Variants in DSTYK observed in about 807,000 individuals in gnomAD.
The protein encoded by DSTYK is dual serine/threonine and tyrosine protein kinase.
DSTYK carries 34 observed loss-of-function variants against 98.7 expected under a neutral mutation model. That is an observed-to-expected ratio of 0.34 (90% CI 0.26 to 0.46). The LOEUF (loss-of-function observed/expected upper bound fraction) is 0.46. Ranked by LOEUF, DSTYK falls within the 20% of genes least tolerant of loss-of-function variation. The pLI, the probability that DSTYK is intolerant of heterozygous loss-of-function variation, is 1.00. For missense variants in DSTYK, 962 were observed against 1,181.7 expected, an observed-to-expected ratio of 0.81 and a Z score of 2.73; for synonymous variants, 462 against 457.3, an observed-to-expected ratio of 1.01 and a Z score of -0.13.
intron 3 of DSTYK, among the ~76,000 whole-genome samples, chr1:205,168,844 C>T (rs150963260): frequency 6.6e-6 from 1 of 152,280 alleles, no homozygotes; most frequent in East Asian, 1.9e-4. Context: ...CTAACATTCT[C>T]CAAGCAGCTC....
chr1:205,209,893 C>CTATTATTATTATTAT lies in DSTYK; in HGVS notation c.265+1363_265+1377dup, dbSNP rs372431377. Among the ~76,000 whole-genome samples the CTATTATTATTATTAT allele has an allele frequency of 5.7e-3, 861 of 150,156 alleles. 13 individuals carry two copies. The highest frequency in any genetic ancestry group is 0.019 in the African/African-American group (784 of 40,800). On this transcript the variant is annotated intron_variant, in intron 1 of 12. Coordinates refer to ENST00000367162, the MANE Select transcript of DSTYK (RefSeq NM_015375.3). ...CCTTCCCCAGTGTCTTTTATTATTA[C>CTATTATTATTATTAT]TATTATTATTATTATTATTATTATT...
At chr1:205,155,664 AT>A (rs540089331) in intron 10 of DSTYK, among the ~76,000 whole-genome samples, 2 of 150,968 alleles carry the variant, frequency 1.3e-5, no homozygotes, top group South Asian at 2.1e-4. Context: ...TCTCAAAAAA[AT>A]TTTTAAAAAA....
At chr1:205,172,992 A>C (rs1237954806) in intron 2 of DSTYK, 1 of 152,240 alleles carries the variant, frequency 6.6e-6, no homozygotes, top group African/African-American at 2.4e-5. Flanking sequence ...CATATTCAAA[A>C]AGTTGGTAAG....
Position 205,169,364 on chromosome 1 carries a change from T to C in DSTYK, c.1123A>G (p.Asn375Asp). The change falls in exon 3 of 13, where the codon AAC becomes GAC. Residue 375 changes from asparagine (N) to aspartate (D), a missense_variant. This residue lies in a region of DSTYK where 660 missense variants were observed against 855.0 expected (regional missense o/e 0.77). Coordinates refer to ENST00000367162, the MANE Select transcript of DSTYK (RefSeq NM_015375.3). The surrounding 1 kb of genome is among the most constrained non-coding windows in gnomAD (Gnocchi z 4.0). ...TCCCGCTGCATGTCAAATGCCTGGT[T>C]AATAAAGATGTCAAGGCAGTGGCAG... ...VHCHCLDIFINQAFDMQRDLQ... is the reference protein window; with the variant it reads ...VHCHCLDIFIDQAFDMQRDLQ... The C allele has an allele frequency of 6.2e-7, 1 of 1,614,176 alleles. No individual in the cohort carries two copies. Among genetic ancestry groups the C allele is most frequent in the Non-Finnish European group, 8.5e-7 (1 of 1,180,028 alleles).
intron 1 of DSTYK, among the ~76,000 whole-genome samples, chr1:205,196,083 A>G (rs1219193037): frequency 6.6e-6 from 1 of 152,230 alleles, no homozygotes; most frequent in African/African-American, 2.4e-5. Context: ...AACCAGCTTG[A>G]AGGGAAACTC....
chr1:205,194,445 T>C (rs1468277190), intron 1 of DSTYK, among the ~76,000 whole-genome samples: 3 of 152,172 alleles, frequency 2.0e-5, no homozygotes, highest in African/African-American at 4.8e-5. Flanking sequence ...AAAGTTAACA[T>C]GGACTTCAAA....
chr1:205,209,977 T>G lies in DSTYK; in HGVS notation c.265+1294A>C, dbSNP rs1659323405. On this transcript the variant is annotated intron_variant, in intron 1 of 12. Transcript: ENST00000367162. ...GTGCAGTGGCACAATCTCTGCTCAC[T>G]GCAACCTCCGCCGCCTGGTTTCAAG... Among the ~76,000 whole-genome samples the G allele has an allele frequency of 2.0e-5, 3 of 152,038 alleles. No homozygotes were observed. In the South Asian group the frequency reaches 6.2e-4, roughly 32 times the overall value.
chr1:205,161,175 A>G, intron 7 of DSTYK, 83 bp downstream of exon 7: 2 of 1,547,100 alleles, frequency 1.3e-6, no homozygotes, highest in South Asian at 2.5e-5. Flanking sequence ...AGCTTTAGAC[A>G]CTAGGATTCT....
rs1017736459 is a variant in DSTYK, at chr1:205,187,430, A to C, written c.642T>G (p.His214Gln). The C allele has an allele frequency of 5.0e-6, 8 of 1,610,770 alleles. No homozygotes were observed. The highest frequency in any genetic ancestry group is 5.9e-6 in the Non-Finnish European group (7 of 1,177,732). Residue 214 changes from histidine to glutamine, a missense_variant, in exon 2 of 13, where the codon CAT (histidine) becomes CAG (glutamine). Coordinates refer to ENST00000367162, the MANE Select transcript of DSTYK (RefSeq NM_015375.3). ...ATGAGATTGGTACCTGTAAGAGAGC[A>C]TGGTGCATCGTTACCTCCAGTTCCG... ...VLAELEVTMHHALLQEVDVVV... is the reference protein window; with the variant it reads ...VLAELEVTMHQALLQEVDVVV...
intron 1 of DSTYK, among the ~76,000 whole-genome samples, chr1:205,208,362 A>G (rs1415564091): frequency 6.6e-6 from 1 of 152,214 alleles, no homozygotes; most frequent in Non-Finnish European, 1.5e-5. Flanking sequence ...TATAGACATG[A>G]AAATTGTTTT....
intron 4 of DSTYK, among the ~76,000 whole-genome samples, 175 bp downstream of exon 4, chr1:205,163,548 A>G (rs775680282): frequency 3.7e-4 from 57 of 152,176 alleles, no homozygotes; most frequent in Non-Finnish European, 7.8e-4. Context: ...GCAGTTTTAC[A>G]GCTCACCAAC....
At chr1:205,187,829 G>A (rs777345485) in intron 1 of DSTYK, 23 bp from the exon 2 acceptor site, 3 of 1,584,302 alleles carry the variant, frequency 1.9e-6, no homozygotes, top group Non-Finnish European at 2.6e-6. Context: ...GGGGAGAGTG[G>A]AGGAAGAGAA....
intron 10 of DSTYK, among the ~76,000 whole-genome samples, chr1:205,153,867 C>CTTTTTTTTTTT (rs771169377): frequency 3.0e-5 from 4 of 132,678 alleles, no homozygotes; most frequent in Non-Finnish European, 4.8e-5. Context: ...GCCTGGCTAA[C>CTTTTTTTTTTT]TTTTTTTTTT....
Position 205,146,190 on chromosome 1 carries a change from C to T in DSTYK, c.*1368G>A, listed in dbSNP as rs1288560729. The T allele has an allele frequency of 1.3e-5, 2 of 152,150 alleles. No homozygotes were observed. The highest frequency in any genetic ancestry group is 3.2e-3 in the Middle Eastern group (1 of 316). 9.4% of individuals were successfully genotyped at this position (152,150 alleles called of 1,614,324 possible). On this transcript the variant is annotated 3_prime_UTR_variant, in exon 13 of 13. Coordinates refer to ENST00000367162, the MANE Select transcript of DSTYK (RefSeq NM_015375.3). ...AAGCTCATTGATCAAGTTTTCCAAA[C>T]GTCAGTGTGTTAGATTCAAACACAA... is the stretch of plus-strand genomic sequence containing the variant.
chr1:205,203,688 G>C (rs1332732374), intron 1 of DSTYK, among the ~76,000 whole-genome samples: 1 of 151,976 alleles, frequency 6.6e-6, no homozygotes, highest in Non-Finnish European at 1.5e-5. Context: ...GGCCGAGGCA[G>C]GTGGATCACC....
chr1:205,163,238 A>G (rs1488050148), intron 4 of DSTYK, among the ~76,000 whole-genome samples: 1 of 144,858 alleles, frequency 6.9e-6, no homozygotes, highest in Non-Finnish European at 1.5e-5. Context: ...TTTATTTTTT[A>G]GACAGAGTTT....
rs149013562 is a variant in DSTYK, at chr1:205,185,403, G to C, written c.654+2015C>G. ...ATTATTATTATTTTTTTTAGAGACAGGGTCTCACTATGTTGCCCAGGCTGG... is the reference window on the plus strand; with the variant it reads ...ATTATTATTATTTTTTTTAGAGACACGGTCTCACTATGTTGCCCAGGCTGG... On this transcript the variant is annotated intron_variant, in intron 2 of 12. Coordinates refer to ENST00000367162, the MANE Select transcript of DSTYK (RefSeq NM_015375.3). Among the ~76,000 whole-genome samples the C allele has an allele frequency of 1.0e-3, 155 of 152,016 alleles. No homozygotes were observed. The Middle Eastern group carries it at 0.038, about 37-fold the overall frequency.
intron 3 of DSTYK, among the ~76,000 whole-genome samples, chr1:205,167,800 T>C (rs11240374): frequency 0.8 from 121,266 of 152,214 alleles, 49,783 homozygotes; most frequent in East Asian, 0.97. Flanking sequence ...TAGAAAAGCA[T>C]AGATAGGTAT....
chr1:205,181,237 TGAG>T (rs1038682276), intron 2 of DSTYK, among the ~76,000 whole-genome samples: 32 of 152,340 alleles, frequency 2.1e-4, no homozygotes, highest in African/African-American at 7.2e-4. Context: ...CTTCTTGCCC[TGAG>T]GATCTCACTC....
Sources: gnomAD v4.1 joint callset for allele counts (sites outside exome capture counted in the v4.1 genomes callset) on GRCh38, gnomAD v4.1.1 for gene constraint, gnomAD v4.1.1 regional missense constraint, Gnocchi (gnomAD v3.1) non-coding constraint, MANE v1.5 for transcripts, NCBI Gene and HGNC (gene_info 2026-07-23, HGNC 2026-07-21) for gene names.